Variants in BRD3 observed in about 807,000 individuals in gnomAD.
The protein encoded by BRD3 is bromodomain-containing protein 3.
BRD3 carries 17 observed loss-of-function variants against 66.8 expected under a neutral mutation model. The observed-to-expected ratio is 0.25, with a 90% confidence interval of 0.17 to 0.38. The LOEUF (loss-of-function observed/expected upper bound fraction) is 0.38. Ranked by LOEUF, BRD3 falls within the 10% of genes least tolerant of loss-of-function variation. The pLI is 1.00. For missense variants in BRD3, 713 were observed against 956.1 expected, an observed-to-expected ratio of 0.75 and a Z score of 3.35; for synonymous variants, 421 against 393.2, an observed-to-expected ratio of 1.07 and a Z score of -0.84.
intron 1 of BRD3, among the ~76,000 whole-genome samples, chr9:134,060,553 C>T (rs1485372292): frequency 6.6e-6 from 1 of 151,698 alleles, no homozygotes; most frequent in East Asian, 1.9e-4. Flanking sequence ...GATCGCACTG[C>T]TGCACTCCAG....
intron 1 of BRD3, among the ~76,000 whole-genome samples, chr9:134,055,229 G>A (rs528052347): frequency 6.6e-6 from 1 of 152,214 alleles, no homozygotes; most frequent in Non-Finnish European, 1.5e-5. Context: ...AGCCCGCACC[G>A]CAGGGTGATC....
At chr9:134,065,922 C>A (rs773434728) in intron 1 of BRD3, among the ~76,000 whole-genome samples, 18 of 152,228 alleles carry the variant, frequency 1.2e-4, no homozygotes, top group Admixed American at 2.6e-4. Context: ...GCTCTGCACA[C>A]CCCCACTTTC....
chr9:134,067,912 C>CCG lies in BRD3; in HGVS notation c.-114+31_-114+32dup, dbSNP rs1181976893. 3 of 145,774 alleles carry CCG rather than the reference C, an allele frequency of 2.1e-5. No homozygotes were observed. In the East Asian group the frequency reaches 6.1e-4, roughly 30 times the overall value. The allele number at this position is 145,774 out of a possible 1,614,324, so 9.0% of individuals were successfully genotyped here. A position where few individuals can be genotyped will look rare whatever the true frequency, so the allele number is the denominator to read the frequency against. ...GCCGCCGCCCGCGCCGCCCGCCGCC[C>CCG]CGCGCGCGCAAGGAAGCAAGAGAAA... is the stretch of plus-strand genomic sequence containing the variant. On this transcript the variant is annotated intron_variant, in intron 1 of 11. Transcript: ENST00000303407.
At position 134,041,791 on chromosome 9, in the gene BRD3, C is replaced by T. The variant is rs777907016; in HGVS notation, c.1376G>A (p.Arg459Gln). 1.9e-6 allele frequency: 3 copies of T among 1,611,848 alleles called. No homozygotes were observed. The highest frequency in any genetic ancestry group is 1.3e-5 in the African/African-American group (1 of 74,908). Residue 459 changes from arginine to glutamine, a missense_variant, in exon 8 of 12, where the codon CGG becomes CAG. By Grantham distance (43) the Arg-to-Gln change is conservative. Transcript: ENST00000303407. ...CTGCAGCTCCGCCAGCCTGGTGGCCCGCTCCTCCTCCGAGTCCGAGCTGCC... is the reference window on the plus strand; with the variant it reads ...CTGCAGCTCCGCCAGCCTGGTGGCCTGCTCCTCCTCCGAGTCCGAGCTGCC... ...DSGSSDSEEE[R>Q]ATRLAELQEQ...
intron 10 of BRD3, 113 bp downstream of exon 10, chr9:134,035,914 GACAGC>G: frequency 1.5e-6 from 2 of 1,367,782 alleles, no homozygotes; most frequent in Admixed American, 2.7e-5. Context: ...AAGGAGCCAA[GACAGC>G]GTGGCAGCCC....
intron 5 of BRD3, among the ~76,000 whole-genome samples, chr9:134,048,790 T>C (rs147924473): frequency 6.6e-6 from 1 of 152,258 alleles, no homozygotes; most frequent in East Asian, 1.9e-4. Flanking sequence ...AGGTGCTGCA[T>C]GCAATTCGCC....
chr9:134,040,542 C>T (rs917220727), intron 8 of BRD3, among the ~76,000 whole-genome samples: 1 of 152,174 alleles, frequency 6.6e-6, no homozygotes, highest in Non-Finnish European at 1.5e-5. Context: ...AACAGGGACT[C>T]GGTGAGGGCA....
chr9:134,053,013 CCA>C (rs1830336194), intron 2 of BRD3, among the ~76,000 whole-genome samples: 1 of 152,234 alleles, frequency 6.6e-6, no homozygotes, highest in South Asian at 2.1e-4. Context: ...CCATCACCAC[CCA>C]CTCGCTTTCC....
Position 134,032,323 on chromosome 9 carries a change from C to T in BRD3, c.*1267G>A, listed in dbSNP as rs985089842. ...TAACTGGGGTTCCCTAAATTGATTT[C>T]TTTTAAAACAGTCTTAAAGAGACCA... On this transcript the variant is annotated 3_prime_UTR_variant, in exon 12 of 12. Transcript: ENST00000303407. The T allele has an allele frequency of 8.8e-5, 19 of 217,068 alleles. No homozygotes were observed. Among genetic ancestry groups the T allele is most frequent in the Non-Finnish European group, 1.6e-4 (17 of 108,426 alleles). 13.4% of individuals were successfully genotyped at this position (217,068 alleles called of 1,614,324 possible). A position where few individuals can be genotyped will look rare whatever the true frequency, so the allele number is the denominator to read the frequency against.
chr9:134,044,170 G>A (rs139971991), intron 7 of BRD3, among the ~76,000 whole-genome samples: 24 of 152,310 alleles, frequency 1.6e-4, no homozygotes, highest in Admixed American at 5.9e-4. Context: ...GGGTTCTGAC[G>A]GCTTCCTCTG....
chr9:134,036,411 C>T (rs1468639951), intron 9 of BRD3, 87 bp from the exon 10 acceptor site: 1 of 1,572,536 alleles, frequency 6.4e-7, no homozygotes, highest in Non-Finnish European at 8.6e-7. Flanking sequence ...CTCCCAACAG[C>T]AGGCTGCTCT....
chr9:134,068,145 A>G (rs1426262614), upstream of BRD3: 8 of 138,832 alleles, frequency 5.8e-5, no homozygotes, highest in Non-Finnish European at 1.1e-4. Context: ...CGCGGACTAC[A>G]TGTCCCGGCC....
chr9:134,034,874 G>A lies in BRD3; in HGVS notation c.1937-45C>T. The A allele has an allele frequency of 1.9e-6, 3 of 1,606,464 alleles. No individual in the cohort carries two copies. The African/African-American group carries it at 4.0e-5, about 21-fold the overall frequency. On this transcript the variant is annotated intron_variant, in intron 10 of 11. Coordinates refer to ENST00000303407, the MANE Select transcript of BRD3 (RefSeq NM_007371.4). ...CACTCAGACTGCAGAGCAGACCGATGGGGCAGGAGCCAGGGCTGCATCCAG... is the reference window on the plus strand; with the variant it reads ...CACTCAGACTGCAGAGCAGACCGATAGGGCAGGAGCCAGGGCTGCATCCAG...
Position 134,032,672 on chromosome 9 carries a change from T to A in BRD3, c.*918A>T, listed in dbSNP as rs914139196. ...CGGTTTTTTCTTATTTTCTTTTTTT[T>A]AAAAATGACCAATGATGTTAATAAA... is the stretch of plus-strand genomic sequence containing the variant. On this transcript the variant is annotated 3_prime_UTR_variant, in exon 12 of 12. Coordinates refer to ENST00000303407, the MANE Select transcript of BRD3 (RefSeq NM_007371.4). The A allele has an allele frequency of 2.6e-5, 6 of 227,150 alleles. No individual in the cohort carries two copies. The highest frequency in any genetic ancestry group is 6.3e-5 in the East Asian group (1 of 15,916). 14.1% of individuals were successfully genotyped at this position (227,150 alleles called of 1,614,324 possible).
intron 8 of BRD3, 90 bp from the exon 9 acceptor site, chr9:134,040,359 C>A (rs761533710): frequency 5.2e-5 from 75 of 1,435,764 alleles, no homozygotes; most frequent in Non-Finnish European, 6.9e-5. Context: ...GGGCTTGGGG[C>A]GATGTCGGAG....
In BRD3 at chr9:134,040,193, T is replaced by C; in HGVS notation, c.1484A>G (p.Lys495Arg). The C allele has an allele frequency of 6.4e-7, 1 of 1,572,776 alleles. No homozygotes were observed. Among genetic ancestry groups the C allele is most frequent in the Non-Finnish European group, 8.6e-7 (1 of 1,159,186 alleles). The change falls in exon 9 of 12, where the codon AAG (lysine) becomes AGG (arginine). Residue 495 changes from lysine (K) to arginine (R), a missense_variant. Lys to Arg is a conservative substitution (Grantham distance 26, BLOSUM62 2). This residue lies in a region of BRD3 where 418 missense variants were observed against 609.3 expected (regional missense o/e 0.69). Transcript: ENST00000303407. ...VNKPKKKKEKKEKEKKKKDKE... is the reference protein window; with the variant it reads ...VNKPKKKKEKREKEKKKKDKE... ...GTCCTTCTTCTTCTTCTCCTTCTCC[T>C]TCTTCTCCTTCTTCTTCTTTGGTTT...
intron 10 of BRD3, among the ~76,000 whole-genome samples, chr9:134,035,790 C>T (rs1829895434): frequency 6.6e-6 from 1 of 152,248 alleles, no homozygotes; most frequent in Non-Finnish European, 1.5e-5. Flanking sequence ...CTGCCCATGT[C>T]CCCAAGAACA....
intron 8 of BRD3, 112 bp from the exon 9 acceptor site, chr9:134,040,381 G>T: frequency 8.0e-7 from 1 of 1,243,218 alleles, no homozygotes; most frequent in Non-Finnish European, 1.1e-6. Context: ...TGCCTCAGCT[G>T]GGTGAGGAGG....
intron 1 of BRD3, 70 bp downstream of exon 1, chr9:134,067,875 C>T (rs896717656): frequency 6.9e-6 from 1 of 144,816 alleles, no homozygotes; most frequent in Non-Finnish European, 1.5e-5. Context: ...GCTCCCCGGC[C>T]CAGCCCGGCC....
Sources: allele counts gnomAD v4.1 joint callset (sites outside exome capture counted in the v4.1 genomes callset), GRCh38; gene constraint gnomAD v4.1.1; regional missense constraint gnomAD v4.1.1; transcripts MANE v1.5; gene names NCBI Gene and HGNC (gene_info 2026-07-23, HGNC 2026-07-21).